Variants in GRM5 observed in about 807,000 individuals in gnomAD.
The protein encoded by GRM5 is glutamate metabotropic receptor 5.
A neutral mutation model predicts 83.1 loss-of-function variants in GRM5; 19 were observed. That is an observed-to-expected ratio of 0.23 (90% CI 0.16 to 0.34). GRM5 has a LOEUF of 0.34. Among genes scored for constraint, GRM5 ranks in the 10% least tolerant of loss-of-function variants. The pLI, the probability that GRM5 is intolerant of heterozygous loss-of-function variation, is 1.00. For synonymous variants in GRM5, 675 were observed against 633.6 expected (o/e 1.07, Z -0.98); for missense variants, 1,160 against 1,588.3 (o/e 0.73, Z 4.58).
chr11:88,840,028 A>C (rs1405408116), intron 3 of GRM5, among the ~76,000 whole-genome samples: 1 of 152,114 alleles, frequency 6.6e-6, no homozygotes, highest in East Asian at 1.9e-4. Context: ...GAGGAAGGGA[A>C]GGGGTTGGTC....
chr11:88,968,171 C>T (rs371698536), intron 2 of GRM5, among the ~76,000 whole-genome samples: 2 of 152,076 alleles, frequency 1.3e-5, no homozygotes, highest in African/African-American at 4.8e-5. Flanking sequence ...ATGTCCAATA[C>T]AGTAGTCAAT....
At chr11:89,003,831 G>A (rs897114113) in intron 2 of GRM5, among the ~76,000 whole-genome samples, 6 of 152,268 alleles carry the variant, frequency 3.9e-5, no homozygotes, top group Middle Eastern at 3.4e-3. Context: ...CAGCCCTGTT[G>A]AGTGGCCCAG....
intron 2 of GRM5, among the ~76,000 whole-genome samples, chr11:88,928,268 T>C (rs1260538541): frequency 2.0e-5 from 3 of 152,060 alleles, no homozygotes; most frequent in African/African-American, 7.2e-5. Flanking sequence ...AGTTATATAA[T>C]TGTAGGCGAA....
At chr11:88,723,168 A>G (rs1565201925) in intron 3 of GRM5, among the ~76,000 whole-genome samples, 1 of 151,402 alleles carries the variant, frequency 6.6e-6, no homozygotes, top group Non-Finnish European at 1.5e-5. Context: ...TCTCATAGCA[A>G]TATGCTCTCA....
chr11:88,910,083 T>G (rs1283586652), intron 2 of GRM5, among the ~76,000 whole-genome samples: 2 of 152,060 alleles, frequency 1.3e-5, no homozygotes, highest in African/African-American at 4.8e-5. Flanking sequence ...CAGTTCCCAC[T>G]TCCCCAGTCC....
chr11:88,597,331 C>A lies in GRM5; in HGVS notation c.1416G>T (p.Lys472Asn), dbSNP rs201490897. 1 of 1,530,824 alleles carries A rather than the reference C, an allele frequency of 6.5e-7. No homozygotes were observed. Among genetic ancestry groups the A allele is most frequent in the African/African-American group, 1.4e-5 (1 of 73,058 alleles). 94.8% of individuals were successfully genotyped at this position (1,530,824 alleles called of 1,614,324 possible). A position where few individuals can be genotyped will look rare whatever the true frequency, so the allele number is the denominator to read the frequency against. The change falls in exon 6 of 10, where the codon AAG becomes AAT. Residue 472 changes from lysine to asparagine, a missense_variant. Physicochemically the swap from Lys to Asn is moderately conservative, Grantham distance 94. Around this residue, in one of 9 missense-constraint regions of GRM5, gnomAD observed 132 missense variants for 197.6 expected, o/e 0.67. Coordinates refer to ENST00000305447, the MANE Select transcript of GRM5 (RefSeq NM_001143831.3). ...AATCAAAGTAATCTTTTCCCATTTC[C>A]TTGAAATTCATTATTTCATACCTTA... is the stretch of plus-strand genomic sequence containing the variant. The part of the protein sequence containing the change: ...SPGRYEIMNF[K>N]EMGKDYFDYI...
intron 2 of GRM5, among the ~76,000 whole-genome samples, chr11:89,022,703 T>C (rs1941018160): frequency 6.6e-6 from 1 of 152,100 alleles, no homozygotes; most frequent in Non-Finnish European, 1.5e-5. Context: ...AAGAGTATTT[T>C]ACTCTTTTTT....
At chr11:89,019,758 C>A (rs932112606) in intron 2 of GRM5, among the ~76,000 whole-genome samples, 1 of 152,064 alleles carries the variant, frequency 6.6e-6, no homozygotes, top group Non-Finnish European at 1.5e-5. Flanking sequence ...TCCCAAATTT[C>A]GGAGTGGAAG....
rs1409707790 is a variant in GRM5 at position 88,504,978 on chromosome 11, C to T, written c.*3614G>A. Reference sequence around the variant, plus strand: ...TCTATATAGATTTCTAATTACAACACCATCAGCAGCTGCCATTGATTTCTA... The same window carrying T: ...TCTATATAGATTTCTAATTACAACATCATCAGCAGCTGCCATTGATTTCTA... On this transcript the variant is annotated 3_prime_UTR_variant, in exon 10 of 10. Transcript: ENST00000305447. 6.6e-6 allele frequency: 1 copy of T among 152,122 alleles called. No individual in the cohort carries two copies. The highest frequency in any genetic ancestry group is 1.5e-5 in the Non-Finnish European group (1 of 67,996). The allele number at this position is 152,122 out of a possible 1,614,324, so 9.4% of individuals were successfully genotyped here.
At chr11:88,908,314 G>T (rs1945437740) in intron 2 of GRM5, among the ~76,000 whole-genome samples, 1 of 151,940 alleles carries the variant, frequency 6.6e-6, no homozygotes, top group African/African-American at 2.4e-5. Context: ...GAAAATAATG[G>T]TCATAATTCA....
intron 2 of GRM5, among the ~76,000 whole-genome samples, chr11:89,032,506 T>C (rs1035570490): frequency 6.6e-6 from 1 of 152,082 alleles, no homozygotes; most frequent in African/African-American, 2.4e-5. Flanking sequence ...CTTAGACAAG[T>C]TGTTTAAATT....
At chr11:88,611,431 G>T (rs1938313322) in intron 4 of GRM5, among the ~76,000 whole-genome samples, 1 of 151,948 alleles carries the variant, frequency 6.6e-6, no homozygotes, top group African/African-American at 2.4e-5. Context: ...ATTTCTTCCT[G>T]GTTCAATTTT....
intron 2 of GRM5, among the ~76,000 whole-genome samples, chr11:88,997,301 T>G (rs1352906194): frequency 7.2e-6 from 1 of 138,600 alleles, no homozygotes; most frequent in Non-Finnish European, 1.5e-5. Context: ...TACTCCAGCC[T>G]GGGCAACAAG....
rs964809717 is a variant in GRM5, at chr11:88,850,100, C to G, written c.717G>C (p.Gly239=). 1.4e-6 allele frequency: 2 copies of G among 1,411,090 alleles called. No individual in the cohort carries two copies. The highest frequency in any genetic ancestry group is 2.3e-5 in the East Asian group (1 of 43,864). The allele number at this position is 1,411,090 out of a possible 1,614,324, so 87.4% of individuals were successfully genotyped here. A position where few individuals can be genotyped will look rare whatever the true frequency, so the allele number is the denominator to read the frequency against. The change falls in exon 3 of 10, where the codon GGG becomes GGC. Residue 239 remains glycine (G), a synonymous_variant. Transcript: ENST00000305447. ...TTTTGTAAGAGTGGGCGATGCAAAT[C>G]CCTTCCTTCGCTGACATATCTTTGA... ...EAFKDMSAKE[G]ICIAHSYKIY...
intron 2 of GRM5, among the ~76,000 whole-genome samples, chr11:88,891,062 G>A (rs35669869): frequency 0.015 from 2,309 of 152,164 alleles, 27 homozygotes; most frequent in Middle Eastern, 0.054. Context: ...TGAAATAAAA[G>A]CACTGTAAGG....
At chr11:88,585,076 G>C (rs1943286603) in intron 7 of GRM5, among the ~76,000 whole-genome samples, 1 of 152,166 alleles carries the variant, frequency 6.6e-6, no homozygotes, top group Non-Finnish European at 1.5e-5. Context: ...TGGAGGGAAG[G>C]AGCATCCCTA....
At chr11:88,767,533 G>GTGAAGC (rs1266484674) in intron 3 of GRM5, among the ~76,000 whole-genome samples, 10 of 152,020 alleles carry the variant, frequency 6.6e-5, no homozygotes, top group Admixed American at 6.6e-4. Flanking sequence ...ATCAACATGT[G>GTGAAGC]TGAAGCTGGA....
intron 4 of GRM5, 101 bp from the exon 5 acceptor site, chr11:88,605,065 G>A (rs1318380280): frequency 1.1e-6 from 1 of 898,742 alleles, no homozygotes; most frequent in East Asian, 2.4e-5. Context: ...AGAATGCACT[G>A]GAGCAATTTT....
At chr11:88,738,518 A>C (rs1565208408) in intron 3 of GRM5, among the ~76,000 whole-genome samples, 1 of 152,114 alleles carries the variant, frequency 6.6e-6, no homozygotes, top group South Asian at 2.1e-4. Context: ...CTCTGAGTTC[A>C]TGATTCTTAA....
Sources: allele counts gnomAD v4.1 joint callset (sites outside exome capture counted in the v4.1 genomes callset), GRCh38; gene constraint gnomAD v4.1.1; regional missense constraint gnomAD v4.1.1; transcripts MANE v1.5; gene names NCBI Gene and HGNC (gene_info 2026-07-23, HGNC 2026-07-21).